SLC22A3: variants seen among roughly 807,000 people sequenced by gnomAD.
SLC22A3 encodes solute carrier family 22 member 3.
Under a neutral mutation model 59.1 loss-of-function variants are expected in SLC22A3, and 51 were observed. That is an observed-to-expected ratio of 0.86 (90% CI 0.69 to 1.09). The LOEUF is 1.09. SLC22A3 is among the 50% of genes least tolerant of loss of function. The probability of loss-of-function intolerance (pLI) is 0.00; values close to 1 mark genes in which losing one functional copy is unlikely to be tolerated. For missense variants in SLC22A3, 711 were observed against 726.3 expected (o/e 0.98, Z 0.24); for synonymous variants, 325 against 292.0 (o/e 1.11, Z -1.15).
At chr6:160,372,286 G>C (rs2114776117) in intron 1 of SLC22A3, among the ~76,000 whole-genome samples, 1 of 152,238 alleles carries the variant, frequency 6.6e-6, no homozygotes, top group Admixed American at 6.5e-5. Flanking sequence ...GAAACTCTGG[G>C]ATGAAAATTA....
At chr6:160,410,015 A>G (rs1027468541) in intron 4 of SLC22A3, among the ~76,000 whole-genome samples, 7 of 152,166 alleles carry the variant, frequency 4.6e-5, no homozygotes, top group African/African-American at 1.7e-4. Context: ...AAAGCATTTG[A>G]TTTTTGTTGT....
At chr6:160,448,181 C>A (rs1442256531) in intron 10 of SLC22A3, among the ~76,000 whole-genome samples, 1 of 152,008 alleles carries the variant, frequency 6.6e-6, no homozygotes, top group Non-Finnish European at 1.5e-5. Context: ...AGTGAGGATG[C>A]GTCAGGTCTG....
intron 1 of SLC22A3, among the ~76,000 whole-genome samples, chr6:160,371,680 T>C (rs76509522): frequency 0.013 from 1,912 of 152,314 alleles, 49 homozygotes; most frequent in African/African-American, 0.043. Flanking sequence ...TGATTTATAA[T>C]CCTTTGGGTA....
At chr6:160,438,129 G>A (rs545544247) in intron 7 of SLC22A3, among the ~76,000 whole-genome samples, 1 of 152,276 alleles carries the variant, frequency 6.6e-6, no homozygotes, top group East Asian at 1.9e-4. Flanking sequence ...TTTCATTTCA[G>A]AGATGTTGCA....
chr6:160,435,543 T>C (rs1255456889), intron 5 of SLC22A3, among the ~76,000 whole-genome samples: 3 of 152,204 alleles, frequency 2.0e-5, no homozygotes, highest in Non-Finnish European at 4.4e-5. Flanking sequence ...AAGATAGGCA[T>C]AAGATATCAA....
intron 5 of SLC22A3, among the ~76,000 whole-genome samples, chr6:160,422,690 TA>T (rs1297205527): frequency 6.6e-6 from 1 of 152,230 alleles, no homozygotes; most frequent in African/African-American, 2.4e-5. Context: ...GGTGTCTGAA[TA>T]AAGGAGGTGT....
At chr6:160,430,380 C>G (rs1473551386) in intron 5 of SLC22A3, among the ~76,000 whole-genome samples, 7 of 152,082 alleles carry the variant, frequency 4.6e-5, no homozygotes, top group Non-Finnish European at 7.3e-5. Flanking sequence ...GACCAGTCCT[C>G]CACGTGGGGA....
intron 5 of SLC22A3, among the ~76,000 whole-genome samples, chr6:160,429,109 T>C (rs1009584466): frequency 3.3e-5 from 5 of 152,216 alleles, no homozygotes; most frequent in South Asian, 2.1e-4. Context: ...CTGATGCTTG[T>C]CTGTAAGACC....
Position 160,450,987 on chromosome 6 carries a change from T to C in SLC22A3, c.1611-9T>C, listed in dbSNP as rs199617925. ...TCTTTCCTAAAGACTTTCTCCTTTG[T>C]TTTTTCAGTCCACATTCCTGTAAAT... On this transcript the variant is annotated splice_polypyrimidine_tract_variant and intron_variant, in intron 10 of 10. Transcript: ENST00000275300. 6.3e-7 allele frequency: 1 copy of C among 1,584,134 alleles called. No homozygotes were observed. Among genetic ancestry groups the C allele is most frequent in the South Asian group, 1.2e-5 (1 of 86,656 alleles).
chr6:160,409,038 T>C (rs537352578), intron 4 of SLC22A3, 117 bp downstream of exon 4: 1 of 805,680 alleles, frequency 1.2e-6, no homozygotes, highest in African/African-American at 1.9e-5. Flanking sequence ...TTTTTTATTA[T>C]ACTCTAAGTT....
intron 1 of SLC22A3, among the ~76,000 whole-genome samples, chr6:160,394,460 C>A (rs1786391865): frequency 6.6e-6 from 1 of 152,202 alleles, no homozygotes; most frequent in African/African-American, 2.4e-5. Context: ...AAGCGTCAGC[C>A]CCTAGAGGCA....
chr6:160,416,465 TAA>T (rs201190049), intron 5 of SLC22A3, among the ~76,000 whole-genome samples: 2 of 142,338 alleles, frequency 1.4e-5, no homozygotes, highest in Admixed American at 7.0e-5. Flanking sequence ...AAGGCTTACT[TAA>T]AAAAAAAAAA....
chr6:160,361,830 A>G (rs182845552), intron 1 of SLC22A3, among the ~76,000 whole-genome samples: 29 of 152,376 alleles, frequency 1.9e-4, no homozygotes, highest in African/African-American at 7.0e-4. Context: ...TCAGCAAAGG[A>G]TACAGATAGT....
intron 10 of SLC22A3, among the ~76,000 whole-genome samples, chr6:160,448,167 A>G (rs1156231162): frequency 1.3e-5 from 2 of 152,210 alleles, no homozygotes; most frequent in African/African-American, 4.8e-5. Flanking sequence ...GGCTTACTCT[A>G]CAGAGTGAGG....
chr6:160,391,310 A>C (rs1196372351), intron 1 of SLC22A3, among the ~76,000 whole-genome samples: 1 of 152,164 alleles, frequency 6.6e-6, no homozygotes, highest in Non-Finnish European at 1.5e-5. Context: ...ATTGGACTGG[A>C]GTTGGGCTCA....
chr6:160,389,516 A>C (rs1489717717), intron 1 of SLC22A3, among the ~76,000 whole-genome samples: 1 of 152,194 alleles, frequency 6.6e-6, no homozygotes, highest in Admixed American at 6.5e-5. Context: ...CACTGGAGCA[A>C]GTAAGGGGTG....
chr6:160,368,295 A>G (rs149392156), intron 1 of SLC22A3, among the ~76,000 whole-genome samples: 184 of 152,140 alleles, frequency 1.2e-3, no homozygotes, highest in African/African-American at 4.1e-3. Flanking sequence ...TTCTAACCCC[A>G]CAGCAGAAGA....
chr6:160,397,988 G>C lies in SLC22A3; in HGVS notation c.439G>C (p.Val147Leu), dbSNP rs775845108. 8.7e-6 allele frequency: 14 copies of C among 1,613,124 alleles called. No individual in the cohort carries two copies. In the African/African-American group the frequency reaches 1.5e-4, roughly 17 times the overall value. ...HSTIVSEFDL[V>L]CVNAWMLDLT... is the part of the protein sequence containing the mutation. ...TTCTTTGTTTTCTCAGTTTGACCTTGTCTGTGTCAATGCGTGGATGCTGGA... is the reference window on the plus strand; with the variant it reads ...TTCTTTGTTTTCTCAGTTTGACCTTCTCTGTGTCAATGCGTGGATGCTGGA... Residue 147 changes from valine to leucine, a missense_variant, in exon 2 of 11, where the codon GTC becomes CTC. Transcript: ENST00000275300.
chr6:160,399,829 C>T (rs1431854142), intron 2 of SLC22A3, among the ~76,000 whole-genome samples: 2 of 152,136 alleles, frequency 1.3e-5, no homozygotes, highest in Admixed American at 1.3e-4. Flanking sequence ...ATCAATAATT[C>T]TTCTCAGATC....
Sources: gnomAD v4.1 joint callset for allele counts (sites outside exome capture counted in the v4.1 genomes callset) on GRCh38, gnomAD v4.1.1 for gene constraint, MANE v1.5 for transcripts, NCBI Gene and HGNC (gene_info 2026-07-23, HGNC 2026-07-21) for gene names.